DHX8: variants seen among roughly 807,000 people sequenced by gnomAD.
DHX8 encodes DEAH-box helicase 8.
In DHX8, 67 loss-of-function variants were observed where a neutral mutation model predicts 140.7. The observed-to-expected ratio is 0.48, with a 90% CI of 0.39 to 0.58. DHX8 has a LOEUF of 0.58. Ranked by LOEUF, DHX8 falls within the 20% of genes least tolerant of loss-of-function variation. The pLI is 0.00. For missense variants in DHX8, 887 were observed against 1,550.7 expected (o/e 0.57, Z 7.19); for synonymous variants, 533 against 553.2 (o/e 0.96, Z 0.51).
intron 8 of DHX8, among the ~76,000 whole-genome samples, chr17:43,494,270 C>CA (rs1968714757): frequency 6.6e-6 from 1 of 152,162 alleles, no homozygotes. Flanking sequence ...GGGTCCCTCC[C>CA]ACACACGTGG....
downstream of DHX8, among the ~76,000 whole-genome samples, chr17:43,531,253 T>C (rs1297820127): frequency 6.6e-6 from 1 of 152,224 alleles, no homozygotes; most frequent in South Asian, 2.1e-4. Flanking sequence ...GGGCTACTAA[T>C]GTAACAAAAG....
At chr17:43,539,858 G>A (rs919419398) in intron 3 of DHX8, among the ~76,000 whole-genome samples, 6 of 152,214 alleles carry the variant, frequency 3.9e-5, no homozygotes, top group Non-Finnish European at 7.3e-5. Context: ...TTAAATATCA[G>A]AGGTGCCAAG....
At chr17:43,532,224 G>A (rs559457245) in intron 2 of DHX8, among the ~76,000 whole-genome samples, 36 of 152,186 alleles carry the variant, frequency 2.4e-4, no homozygotes, top group Non-Finnish European at 5.0e-4. Context: ...ATTTGTCCGG[G>A]TGAGGTGGCT....
At chr17:43,529,270 A>G (rs1970760018), downstream of DHX8, 1 of 1,605,136 alleles carries the variant, frequency 6.2e-7, no homozygotes, top group Non-Finnish European at 8.5e-7. Context: ...TAGAGATGCT[A>G]CCTTGGCAGA....
chr17:43,500,579 C>T lies in DHX8; in HGVS notation c.1546+476C>T, dbSNP rs968362537. 7.2e-5 allele frequency among the ~76,000 whole-genome samples: 11 copies of T among 152,112 alleles called. 1 individual carries two copies. The highest frequency in any genetic ancestry group is 1.9e-4 in the African/African-American group (8 of 41,460). The stretch of plus-strand genomic sequence containing the variant: ...TTTAAAACCAAAAATGTTTTAATAG[C>T]CATGGTCAAATCATTAGACTGAGTT... On this transcript the variant is annotated intron_variant, in intron 11 of 22. Coordinates refer to ENST00000262415, the MANE Select transcript of DHX8 (RefSeq NM_004941.3).
rs750932377 is a variant in DHX8 at position 43,533,382 on chromosome 17, A to C, written c.351-3030A>C. 5.0e-6 allele frequency: 8 copies of C among 1,589,576 alleles called. No homozygotes were observed. The Admixed American group carries it at 1.0e-4, about 20-fold the overall frequency. ...GAGAAGGAGACAGGGGTGAGGGGGC[A>C]GAGAAGCTGGAAAGCATCTTTGAAC... On this transcript the variant is annotated intron_variant, in intron 2 of 3. Coordinates refer to the DHX8 transcript ENST00000589898.
chr17:43,521,292 A>G (rs1970364816), intron 20 of DHX8, 77 bp from the exon 21 acceptor site: 6 of 1,253,946 alleles, frequency 4.8e-6, no homozygotes. Flanking sequence ...AGGGTCTTGT[A>G]GGGCTCCCTA....
rs142702759 is a variant in DHX8 at position 43,504,576 on chromosome 17, T to G, written c.1547-68T>G. The G allele has an allele frequency of 3.3e-6, 5 of 1,501,954 alleles. No individual in the cohort carries two copies. In the African/African-American group the frequency reaches 7.0e-5, roughly 21 times the overall value. 93.0% of individuals were successfully genotyped at this position (1,501,954 alleles called of 1,614,324 possible). A position where few individuals can be genotyped will look rare whatever the true frequency, so the allele number is the denominator to read the frequency against. On this transcript the variant is annotated intron_variant, in intron 11 of 22. Coordinates refer to ENST00000262415, the MANE Select transcript of DHX8 (RefSeq NM_004941.3). ...GCATGTGCAGTGCCCGCATGCCATT[T>G]TATTTTTTTCCTGGTACATCTTGAG...
At chr17:43,507,741 C>G in intron 14 of DHX8, 53 bp downstream of exon 14, 1 of 1,611,600 alleles carries the variant, frequency 6.2e-7, no homozygotes, top group Non-Finnish European at 8.5e-7. Context: ...TGAATTCTGG[C>G]AGTTGGATTT....
intron 2 of DHX8, chr17:43,536,368 G>C: frequency 6.9e-7 from 1 of 1,443,136 alleles, no homozygotes; most frequent in Non-Finnish European, 9.8e-7. Context: ...TCTATCCTAT[G>C]ACTCACTTCC....
chr17:43,525,915 A>T (rs1036881919), downstream of DHX8: 95 of 985,210 alleles, frequency 9.6e-5, no homozygotes, highest in Non-Finnish European at 1.1e-4. Flanking sequence ...TTGAAAAGGG[A>T]TGTTGAATGG....
intron 15 of DHX8, 118 bp from the exon 16 acceptor site, chr17:43,508,220 TG>T (rs757556437): frequency 5.1e-6 from 7 of 1,360,774 alleles, no homozygotes; most frequent in Non-Finnish European, 7.0e-6. Context: ...GTTTACTTAC[TG>T]GTCAGAATAT....
At chr17:43,514,840 GGTGT>G (rs1970027106) in intron 17 of DHX8, among the ~76,000 whole-genome samples, 1 of 152,156 alleles carries the variant, frequency 6.6e-6, no homozygotes, top group African/African-American at 2.4e-5. Context: ...TTAACATGGT[GGTGT>G]GTATCTATAT....
downstream of DHX8, among the ~76,000 whole-genome samples, chr17:43,530,670 G>A (rs187596675): frequency 6.6e-6 from 1 of 152,160 alleles, no homozygotes; most frequent in African/African-American, 2.4e-5. Context: ...ATGCACCTGG[G>A]GAAGAGGCAG....
chr17:43,531,571 A>G (rs943816534), downstream of DHX8, among the ~76,000 whole-genome samples: 4 of 152,108 alleles, frequency 2.6e-5, no homozygotes, highest in South Asian at 6.2e-4. Context: ...GGGCATGGTG[A>G]TGGGCACCTG....
downstream of DHX8, among the ~76,000 whole-genome samples, chr17:43,544,615 T>A (rs1342495420): frequency 6.6e-6 from 1 of 152,000 alleles, no homozygotes; most frequent in Non-Finnish European, 1.5e-5. Flanking sequence ...CACCCCAACA[T>A]GCACCTTGGC....
chr17:43,544,715 C>T, downstream of DHX8: 1 of 376,584 alleles, frequency 2.7e-6, no homozygotes, highest in Non-Finnish European at 4.9e-6. Flanking sequence ...TAAGCAAATA[C>T]CCCACACAAT....
downstream of DHX8, among the ~76,000 whole-genome samples, chr17:43,531,314 G>T (rs1970924040): frequency 6.6e-6 from 1 of 152,196 alleles, no homozygotes; most frequent in Non-Finnish European, 1.5e-5. Flanking sequence ...CCTGGGACTG[G>T]CCCTCCTTCG....
chr17:43,516,126 A>G (rs917421344), intron 17 of DHX8, among the ~76,000 whole-genome samples: 4 of 151,596 alleles, frequency 2.6e-5, no homozygotes, highest in Non-Finnish European at 5.9e-5. Context: ...TATTTCTTTC[A>G]TGGTTGCAAT....
Sources: allele counts gnomAD v4.1 joint callset (sites outside exome capture counted in the v4.1 genomes callset), GRCh38; gene constraint gnomAD v4.1.1; transcripts MANE v1.5; gene names NCBI Gene and HGNC (gene_info 2026-07-23, HGNC 2026-07-21).